Variants in GPM6A observed in about 807,000 individuals in gnomAD.
GPM6A encodes glycoprotein M6A, also known as neuronal membrane glycoprotein M6-a.
In GPM6A, 7 loss-of-function variants were observed where a neutral mutation model predicts 32.1. The ratio of observed to expected loss-of-function variants is 0.22; its 90% confidence interval spans 0.12 to 0.41. GPM6A has a LOEUF of 0.41. GPM6A is among the 10% of genes least tolerant of loss of function. The pLI is 1.00. For synonymous variants in GPM6A, 130 were observed against 123.4 expected (o/e 1.05, Z -0.35); for missense variants, 235 against 347.2 (o/e 0.68, Z 2.57).
At chr4:175,878,024 C>T (rs1057427498) in intron 1 of GPM6A, among the ~76,000 whole-genome samples, 4 of 152,230 alleles carry the variant, frequency 2.6e-5, no homozygotes, top group African/African-American at 9.6e-5. Flanking sequence ...TCCAACAGGG[C>T]AGTCAAATAT....
At chr4:175,644,121 G>GTTTTTTTTTTTTTTTTTTTTTTTTTT (rs781755092) in intron 4 of GPM6A, among the ~76,000 whole-genome samples, 1 of 110,380 alleles carries the variant, frequency 9.1e-6, no homozygotes, top group African/African-American at 3.4e-5. Flanking sequence ...TTTTCCGTTT[G>GTTTTTTTTTTTTTTTTTTTTTTTTTT]TTTTTTTTTT....
chr4:175,883,273 A>G (rs1028960641), intron 1 of GPM6A, among the ~76,000 whole-genome samples: 9 of 152,170 alleles, frequency 5.9e-5, no homozygotes, highest in Non-Finnish European at 1.3e-4. Context: ...CTATCACTGT[A>G]CAATAGAAAT....
intron 1 of GPM6A, among the ~76,000 whole-genome samples, chr4:175,850,063 C>G (rs7663980): frequency 0.37 from 55,805 of 151,938 alleles, 10,381 homozygotes; most frequent in African/African-American, 0.44. Flanking sequence ...TAAAAAATAA[C>G]AGTACCTTCA....
chr4:175,726,605 C>T (rs6821673), intron 1 of GPM6A, among the ~76,000 whole-genome samples: 85,481 of 151,942 alleles, frequency 0.56, 24,304 homozygotes, highest in Non-Finnish European at 0.61. Flanking sequence ...ATCTATATTC[C>T]AGGATTGATT....
At chr4:175,877,409 T>A (rs1737119357) in intron 1 of GPM6A, among the ~76,000 whole-genome samples, 1 of 152,188 alleles carries the variant, frequency 6.6e-6, no homozygotes, top group Non-Finnish European at 1.5e-5. Flanking sequence ...TATGAAGAAA[T>A]ACCCAAGACT....
At chr4:175,966,378 G>T (rs1740334874) in intron 1 of GPM6A, among the ~76,000 whole-genome samples, 1 of 151,372 alleles carries the variant, frequency 6.6e-6, no homozygotes, top group Non-Finnish European at 1.5e-5. Context: ...TTTCAGCCTG[G>T]GGCCACAGAG....
At chr4:175,888,260 G>A (rs968803411) in intron 1 of GPM6A, among the ~76,000 whole-genome samples, 9 of 151,828 alleles carry the variant, frequency 5.9e-5, no homozygotes, top group African/African-American at 1.4e-4. Context: ...AATTCAGTAC[G>A]CTTTTATGAA....
chr4:175,902,321 G>T (rs908563210), intron 1 of GPM6A, among the ~76,000 whole-genome samples: 1 of 152,126 alleles, frequency 6.6e-6, no homozygotes, highest in East Asian at 1.9e-4. Flanking sequence ...CATTGGTAAG[G>T]TTTCCCTTTT....
chr4:175,637,320 ATATATAT>A (rs1347045115), intron 6 of GPM6A, among the ~76,000 whole-genome samples: 46 of 42,666 alleles, frequency 1.1e-3, no homozygotes, highest in South Asian at 1.5e-3. Flanking sequence ...ATAATATAAA[ATATATAT>A]TATATATTAT....
chr4:175,683,338 G>T (rs897818438), intron 2 of GPM6A, among the ~76,000 whole-genome samples: 5 of 152,018 alleles, frequency 3.3e-5, no homozygotes, highest in African/African-American at 9.7e-5. Context: ...ACTTGTTTTT[G>T]ATTTTTCAGG....
intron 1 of GPM6A, among the ~76,000 whole-genome samples, chr4:175,880,650 T>C (rs1000907128): frequency 3.3e-5 from 5 of 152,210 alleles, no homozygotes; most frequent in African/African-American, 9.6e-5. Flanking sequence ...TTTGAAGCAA[T>C]TGTGAATGGG....
intron 1 of GPM6A, among the ~76,000 whole-genome samples, chr4:175,998,690 G>A (rs182579305): frequency 1.6e-4 from 25 of 151,826 alleles, no homozygotes; most frequent in East Asian, 1.2e-3. Flanking sequence ...TTTGCTCTCC[G>A]GTTCCACTGG....
intron 1 of GPM6A, among the ~76,000 whole-genome samples, chr4:175,873,596 T>G (rs1410777797): frequency 6.6e-6 from 1 of 152,116 alleles, no homozygotes; most frequent in African/African-American, 2.4e-5. Context: ...CATAGACAAC[T>G]AACAATTATT....
At chr4:175,973,929 A>G (rs1484442377) in intron 1 of GPM6A, among the ~76,000 whole-genome samples, 2 of 152,122 alleles carry the variant, frequency 1.3e-5, no homozygotes, top group African/African-American at 4.8e-5. Context: ...TTTAATAATA[A>G]TTTGTATTAT....
chr4:175,858,326 G>A (rs1181271903), intron 1 of GPM6A, among the ~76,000 whole-genome samples: 1 of 152,154 alleles, frequency 6.6e-6, no homozygotes, highest in Non-Finnish European at 1.5e-5. Context: ...GAGGTCAGGA[G>A]TTTGACACCA....
At chr4:175,951,939 C>T (rs537970483) in intron 1 of GPM6A, among the ~76,000 whole-genome samples, 1 of 152,360 alleles carries the variant, frequency 6.6e-6, no homozygotes, top group African/African-American at 2.4e-5. Context: ...TCCAACTTTC[C>T]CTACACCATC....
intron 5 of GPM6A, 37 bp from the exon 6 acceptor site, chr4:175,640,231 A>C (rs547662992): frequency 1.3e-6 from 2 of 1,516,684 alleles, no homozygotes; most frequent in South Asian, 2.2e-5. Context: ...AAGGTGTCAG[A>C]GTTATAGGTA....
At chr4:175,677,116 A>G (rs1743414671) in intron 2 of GPM6A, among the ~76,000 whole-genome samples, 1 of 152,182 alleles carries the variant, frequency 6.6e-6, no homozygotes, top group Non-Finnish European at 1.5e-5. Context: ...CTTAAATTTC[A>G]TAGCTCAAAA....
intron 1 of GPM6A, among the ~76,000 whole-genome samples, chr4:175,985,038 C>G (rs1286086140): frequency 6.6e-6 from 1 of 152,168 alleles, no homozygotes. Flanking sequence ...AGGCTTAATT[C>G]TCCCACCTTC....
Sources: allele counts gnomAD v4.1 joint callset (sites outside exome capture counted in the v4.1 genomes callset), GRCh38; gene constraint gnomAD v4.1.1; transcripts MANE v1.5; gene names NCBI Gene and HGNC (gene_info 2026-07-23, HGNC 2026-07-21).